The following RBFOX1 variants were observed in gnomAD, a reference collection of about 807,000 sequenced individuals.
The protein encoded by RBFOX1 is RNA binding fox-1 homolog 1.
A neutral mutation model predicts 57.7 loss-of-function variants in RBFOX1; 8 were observed. The observed-to-expected ratio is 0.14, with a 90% CI of 0.08 to 0.25. The LOEUF (loss-of-function observed/expected upper bound fraction) is 0.25, where lower values mean the gene tolerates loss of function less well. RBFOX1 is among the 10% of genes least tolerant of loss of function. The pLI, the probability that RBFOX1 is intolerant of heterozygous loss-of-function variation, is 1.00. For synonymous variants in RBFOX1, 326 were observed against 222.4 expected, an observed-to-expected ratio of 1.47 and a Z score of -4.15; for missense variants, 611 against 548.5, an observed-to-expected ratio of 1.11 and a Z score of -1.14.
chr16:7,510,111 T>C, intron 4 of RBFOX1: 2 of 985,502 alleles, frequency 2.0e-6, no homozygotes, highest in Non-Finnish European at 2.4e-6. Context: ...GGGTTGGTTT[T>C]GGGAGCAGTC....
intron 1 of RBFOX1, among the ~76,000 whole-genome samples, chr16:6,296,134 A>G (rs1355888236): frequency 1.3e-5 from 2 of 152,162 alleles, no homozygotes; most frequent in Non-Finnish European, 2.9e-5. Context: ...TGCCTTGGGC[A>G]CGGTTGGAAG....
chr16:6,274,539 G>A (rs1007952444), intron 1 of RBFOX1, among the ~76,000 whole-genome samples: 1 of 152,166 alleles, frequency 6.6e-6, no homozygotes, highest in Admixed American at 6.5e-5. Context: ...GAGACAGGGA[G>A]GAGGAAGGAA....
chr16:7,345,742 C>G (rs1455964420), intron 4 of RBFOX1, among the ~76,000 whole-genome samples: 9 of 152,186 alleles, frequency 5.9e-5, no homozygotes, highest in Admixed American at 5.9e-4. Flanking sequence ...ATATGGGATT[C>G]TTATCTGTCC....
chr16:6,367,641 T>G (rs905583269), intron 2 of RBFOX1, among the ~76,000 whole-genome samples: 1 of 151,734 alleles, frequency 6.6e-6, no homozygotes, highest in Admixed American at 6.6e-5. Context: ...AAAAATACCA[T>G]GAGAACATGG....
At chr16:7,460,370 A>AAAATATATATATAT (rs1251870828) in intron 4 of RBFOX1, among the ~76,000 whole-genome samples, 1 of 76,036 alleles carries the variant, frequency 1.3e-5, no homozygotes, top group Non-Finnish European at 2.3e-5. Flanking sequence ...CATTTAGCAA[A>AAAATATATATATAT]ATATATATAT....
chr16:5,638,765 G>T (rs1401580968), intron 3 of RBFOX1, among the ~76,000 whole-genome samples: 3 of 152,272 alleles, frequency 2.0e-5, no homozygotes, highest in South Asian at 2.1e-4. Context: ...ATCCTGTACT[G>T]GTTCAGAGAC....
At chr16:6,665,579 T>C (rs1490706332) in intron 3 of RBFOX1, among the ~76,000 whole-genome samples, 2 of 151,300 alleles carry the variant, frequency 1.3e-5, no homozygotes, top group African/African-American at 4.9e-5. Flanking sequence ...GAGCTGAGAT[T>C]GTGCCATCAC....
At chr16:7,333,187 G>C in intron 4 of RBFOX1, 2 of 1,141,720 alleles carry the variant, frequency 1.8e-6, no homozygotes, top group Admixed American at 1.8e-5. Flanking sequence ...TTTAATACAG[G>C]AAAAAGCCCT....
chr16:6,461,811 T>C (rs2094927638), intron 2 of RBFOX1, among the ~76,000 whole-genome samples: 1 of 152,174 alleles, frequency 6.6e-6, no homozygotes, highest in Non-Finnish European at 1.5e-5. Flanking sequence ...GACAGTAATA[T>C]CATCCAATAA....
At chr16:5,503,628 G>C (rs1303310176) in intron 2 of RBFOX1, among the ~76,000 whole-genome samples, 1 of 152,110 alleles carries the variant, frequency 6.6e-6, no homozygotes, top group Non-Finnish European at 1.5e-5. Flanking sequence ...TATTGTAGTA[G>C]AGATGAGGTT....
At chr16:6,394,039 A>G (rs2092716260) in intron 2 of RBFOX1, among the ~76,000 whole-genome samples, 2 of 152,192 alleles carry the variant, frequency 1.3e-5, no homozygotes, top group Admixed American at 1.3e-4. Flanking sequence ...GTTACTCCTT[A>G]TTACCAACAT....
intron 3 of RBFOX1, among the ~76,000 whole-genome samples, chr16:5,765,234 C>G (rs901739670): frequency 6.6e-6 from 1 of 152,148 alleles, no homozygotes; most frequent in Non-Finnish European, 1.5e-5. Context: ...CACTGGATCC[C>G]AAACCCAACA....
At chr16:5,890,554 G>T (rs943722726) in intron 4 of RBFOX1, among the ~76,000 whole-genome samples, 17 of 151,992 alleles carry the variant, frequency 1.1e-4, no homozygotes, top group African/African-American at 3.9e-4. Flanking sequence ...AAAATTAGCT[G>T]GGCGTGGTGG....
At chr16:7,304,134 G>T (rs991665910) in intron 4 of RBFOX1, 2 of 856,232 alleles carry the variant, frequency 2.3e-6, no homozygotes, top group Non-Finnish European at 2.8e-6. Flanking sequence ...CCCCAGGCGG[G>T]GAGAGCCAGG....
intron 1 of RBFOX1, among the ~76,000 whole-genome samples, chr16:6,276,681 C>T (rs142229878): frequency 6.6e-6 from 1 of 152,186 alleles, no homozygotes. Context: ...ATTTATCCCA[C>T]ACATTGACTG....
chr16:7,600,222 C>G lies in RBFOX1; in HGVS notation c.622+2791C>G, dbSNP rs539746206. Among the ~76,000 whole-genome samples the G allele has an allele frequency of 4.9e-4, 75 of 152,294 alleles. 1 individual carries two copies. Among genetic ancestry groups the G allele is most frequent in the Non-Finnish European group, 7.2e-4 (49 of 68,026 alleles). ...GGAACTCAGAGAATTGTTCCTGTCA[C>G]ACATACTGTGTATGGCACCTAAGGG... On this transcript the variant is annotated intron_variant, in intron 9 of 15. Coordinates refer to ENST00000550418, the MANE Select transcript of RBFOX1 (RefSeq NM_018723.4).
At chr16:6,308,887 C>T (rs78213366) in intron 1 of RBFOX1, among the ~76,000 whole-genome samples, 3,619 of 152,114 alleles carry the variant, frequency 0.024, 154 homozygotes, top group African/African-American at 0.082. Flanking sequence ...CAGTAGCTGT[C>T]TCCCCCTGCC....
intron 3 of RBFOX1, among the ~76,000 whole-genome samples, chr16:6,925,520 C>CGG (rs144234037): frequency 3.3e-5 from 5 of 150,370 alleles, no homozygotes; most frequent in African/African-American, 7.4e-5. Context: ...TGTAAATTTC[C>CGG]GGGGGGGCAG....
intron 3 of RBFOX1, among the ~76,000 whole-genome samples, chr16:7,015,466 G>T (rs571206281): frequency 2.8e-4 from 43 of 152,248 alleles, no homozygotes; most frequent in Non-Finnish European, 5.4e-4. Flanking sequence ...AGGAAGTTTT[G>T]CTCATCAGTG....
Sources: allele counts gnomAD v4.1 joint callset (sites outside exome capture counted in the v4.1 genomes callset), GRCh38; gene constraint gnomAD v4.1.1; transcripts MANE v1.5; gene names NCBI Gene and HGNC (gene_info 2026-07-23, HGNC 2026-07-21).